PTPRT: variants seen among roughly 807,000 people sequenced by gnomAD.
PTPRT encodes receptor-type tyrosine-protein phosphatase T.
In PTPRT, 56 loss-of-function variants were observed where a neutral mutation model predicts 176.8. The ratio of observed to expected loss-of-function variants is 0.32; its 90% CI spans 0.26 to 0.40. The LOEUF is 0.40. Ranked by LOEUF, PTPRT falls within the 10% of genes least tolerant of loss-of-function variation. The pLI is 1.00. For synonymous variants in PTPRT, 783 were observed against 739.0 expected (o/e 1.06, Z -0.96); for missense variants, 1,540 against 1,908.2 (o/e 0.81, Z 3.60).
intron 9 of PTPRT, among the ~76,000 whole-genome samples, chr20:42,413,055 T>G (rs1449681663): frequency 6.6e-6 from 1 of 152,160 alleles, no homozygotes; most frequent in African/African-American, 2.4e-5. Flanking sequence ...TTTTGAAACT[T>G]AAACACATAC....
At chr20:42,574,415 T>A (rs1321380573) in intron 7 of PTPRT, among the ~76,000 whole-genome samples, 1 of 152,166 alleles carries the variant, frequency 6.6e-6, no homozygotes, top group Admixed American at 6.5e-5. Context: ...TTGGGTATCA[T>A]GAAAATGTCA....
At chr20:42,407,789 T>G (rs560072279) in intron 9 of PTPRT, among the ~76,000 whole-genome samples, 14 of 152,240 alleles carry the variant, frequency 9.2e-5, no homozygotes, top group African/African-American at 3.4e-4. Flanking sequence ...AAAAAATGTC[T>G]AGAATTTATC....
rs1982651060 is a variant in PTPRT at position 42,075,183 on chromosome 20, T to C, written c.*5696A>G. 1 of 267,698 alleles carries C rather than the reference T, an allele frequency of 3.7e-6. No homozygotes were observed. Among genetic ancestry groups the C allele is most frequent in the Non-Finnish European group, 7.1e-6 (1 of 141,660 alleles). The allele number at this position is 267,698 out of a possible 1,614,324, so 16.6% of individuals were successfully genotyped here. On this transcript the variant is annotated 3_prime_UTR_variant, in exon 31 of 31. Transcript: ENST00000373187. Reference sequence around the variant, plus strand: ...AATCTGAATCTCAGCTTGTCTCTTCTAGTTGGATTTACTTTTCCTATTTCC... The same window carrying C: ...AATCTGAATCTCAGCTTGTCTCTTCCAGTTGGATTTACTTTTCCTATTTCC...
intron 16 of PTPRT, among the ~76,000 whole-genome samples, chr20:42,184,171 A>G (rs1427306135): frequency 6.6e-6 from 1 of 152,184 alleles, no homozygotes. Flanking sequence ...ATTTTCAAGC[A>G]GACACAAGCT....
At chr20:42,845,032 C>A (rs1396223855) in intron 2 of PTPRT, among the ~76,000 whole-genome samples, 1 of 152,268 alleles carries the variant, frequency 6.6e-6, no homozygotes, top group East Asian at 1.9e-4. Context: ...CAGCTCTCAT[C>A]CCTTGTTACT....
intron 21 of PTPRT, 135 bp downstream of exon 21, chr20:42,118,268 A>G: frequency 1.6e-6 from 1 of 623,648 alleles, no homozygotes; most frequent in Non-Finnish European, 2.6e-6. Context: ...AATAGGAGTG[A>G]TGACACCTCC....
At chr20:42,811,241 A>ATATCT (rs2077693215) in intron 2 of PTPRT, among the ~76,000 whole-genome samples, 2 of 152,250 alleles carry the variant, frequency 1.3e-5, no homozygotes, top group African/African-American at 4.8e-5. Context: ...TGTCATTAAC[A>ATATCT]TATGGCAAAC....
At chr20:42,932,827 C>T (rs1364208158) in intron 1 of PTPRT, among the ~76,000 whole-genome samples, 1 of 152,234 alleles carries the variant, frequency 6.6e-6, no homozygotes, top group Non-Finnish European at 1.5e-5. Flanking sequence ...CAGGCGTCTA[C>T]TGCCTTTGGA....
downstream of PTPRT, chr20:42,072,694 C>G (rs1426243376): frequency 5.3e-6 from 1 of 189,856 alleles, no homozygotes; most frequent in Non-Finnish European, 1.1e-5. Flanking sequence ...TTTTCTCCTC[C>G]TCCTTCAACT....
intron 15 of PTPRT, among the ~76,000 whole-genome samples, chr20:42,230,999 G>T (rs2056123045): frequency 6.6e-6 from 1 of 152,144 alleles, no homozygotes; most frequent in Non-Finnish European, 1.5e-5. Flanking sequence ...GCAGCTCAGT[G>T]CCCTCAGCTC....
At chr20:43,062,308 G>A (rs891411389) in intron 1 of PTPRT, among the ~76,000 whole-genome samples, 2 of 152,168 alleles carry the variant, frequency 1.3e-5, no homozygotes, top group African/African-American at 2.4e-5. Context: ...TTTCAATCTC[G>A]CTTTGTCTTT....
intron 8 of PTPRT, among the ~76,000 whole-genome samples, chr20:42,452,813 C>T (rs1199839942): frequency 6.6e-6 from 1 of 152,062 alleles, no homozygotes; most frequent in Non-Finnish European, 1.5e-5. Flanking sequence ...CTGTTTTATT[C>T]CCATCTTTTT....
intron 2 of PTPRT, among the ~76,000 whole-genome samples, chr20:42,792,953 G>A (rs139397432): frequency 6.6e-6 from 1 of 152,300 alleles, no homozygotes; most frequent in East Asian, 1.9e-4. Flanking sequence ...AAGTAACTTG[G>A]ACTTACGGCC....
At chr20:42,527,252 C>G (rs373769824) in intron 7 of PTPRT, among the ~76,000 whole-genome samples, 1 of 152,166 alleles carries the variant, frequency 6.6e-6, no homozygotes, top group Non-Finnish European at 1.5e-5. Flanking sequence ...TGTGAGCCAC[C>G]GTGCCCGGCC....
At chr20:43,066,959 AT>A (rs1374084888) in intron 1 of PTPRT, among the ~76,000 whole-genome samples, 1 of 152,122 alleles carries the variant, frequency 6.6e-6, no homozygotes, top group Non-Finnish European at 1.5e-5. Context: ...AGCCTAAAAT[AT>A]TTGCTCTCTG....
chr20:42,613,623 C>T (rs1344651794), intron 7 of PTPRT, among the ~76,000 whole-genome samples: 2 of 152,200 alleles, frequency 1.3e-5, no homozygotes, highest in Non-Finnish European at 2.9e-5. Flanking sequence ...CACTTTAGCA[C>T]AGACCTGGAG....
At chr20:42,234,420 TCCAC>T (rs1440804458) in intron 15 of PTPRT, among the ~76,000 whole-genome samples, 1 of 152,212 alleles carries the variant, frequency 6.6e-6, no homozygotes, top group African/African-American at 2.4e-5. Context: ...TCATTCTCTT[TCCAC>T]CATAGCAATG....
At chr20:42,238,971 A>C (rs1284319317) in intron 14 of PTPRT, among the ~76,000 whole-genome samples, 1 of 152,206 alleles carries the variant, frequency 6.6e-6, no homozygotes, top group Non-Finnish European at 1.5e-5. Context: ...AATCTAAATT[A>C]TACTCACATT....
At chr20:42,673,667 TG>T (rs1383952269) in intron 7 of PTPRT, among the ~76,000 whole-genome samples, 11 of 152,168 alleles carry the variant, frequency 7.2e-5, no homozygotes, top group African/African-American at 2.7e-4. Flanking sequence ...GTAAGGGCAT[TG>T]ATCTCATTCA....
Sources: gnomAD v4.1 joint callset for allele counts (sites outside exome capture counted in the v4.1 genomes callset) on GRCh38, gnomAD v4.1.1 for gene constraint, MANE v1.5 for transcripts, NCBI Gene and HGNC (gene_info 2026-07-23, HGNC 2026-07-21) for gene names.